The following CRTAM variants were observed in gnomAD, a reference collection of about 807,000 sequenced individuals.
CRTAM encodes the protein cytotoxic and regulatory T cell molecule.
A neutral mutation model predicts 50.0 loss-of-function variants in CRTAM; 44 were observed. That is an observed-to-expected ratio of 0.88 (90% CI 0.69 to 1.13). The LOEUF (loss-of-function observed/expected upper bound fraction) is 1.13. Among genes scored for constraint, CRTAM ranks in the 50% most tolerant of loss-of-function variants. CRTAM has a pLI of 0.00. For synonymous variants in CRTAM, 159 were observed against 169.3 expected, an observed-to-expected ratio of 0.94 and a Z score of 0.47; for missense variants, 448 against 457.5, an observed-to-expected ratio of 0.98 and a Z score of 0.19.
chr11:122,851,612 T>C (rs1356148253), intron 2 of CRTAM, 81 bp from the exon 3 acceptor site: 1 of 1,263,234 alleles, frequency 7.9e-7, no homozygotes, highest in East Asian at 2.3e-5. Flanking sequence ...AGCGGGGCAG[T>C]GCTTCTGGCA....
chr11:122,866,425 T>C (rs552013866), intron 7 of CRTAM, among the ~76,000 whole-genome samples: 8 of 152,266 alleles, frequency 5.3e-5, no homozygotes, highest in African/African-American at 1.9e-4. Flanking sequence ...TTTGTTTTTA[T>C]TAATTTGTTT....
intron 1 of CRTAM, among the ~76,000 whole-genome samples, chr11:122,845,880 A>G (rs1861857005): frequency 6.6e-6 from 1 of 152,086 alleles, no homozygotes; most frequent in African/African-American, 2.4e-5. Context: ...TGTAAAGACA[A>G]AGTCTTATTA....
chr11:122,839,122 C>T (rs1281630524), intron 1 of CRTAM, among the ~76,000 whole-genome samples: 4 of 151,838 alleles, frequency 2.6e-5, no homozygotes, highest in African/African-American at 7.3e-5. Context: ...TTAGTAGAGA[C>T]GGGGTTTCAC....
intron 5 of CRTAM, chr11:122,862,189 A>G: frequency 2.3e-6 from 1 of 441,376 alleles, no homozygotes; most frequent in Non-Finnish European, 4.1e-6. Context: ...ATAGAAGGAC[A>G]CAGATAGAAA....
intron 4 of CRTAM, 83 bp downstream of exon 4, chr11:122,854,169 G>T (rs1025563007): frequency 3.7e-6 from 5 of 1,357,410 alleles, no homozygotes; most frequent in Non-Finnish European, 5.1e-6. Flanking sequence ...CCCTCTAGTG[G>T]CAGACAATGC....
rs767240525 is a variant in CRTAM at position 122,850,031 on chromosome 11, C to T, written c.47-37C>T. Reference sequence around the variant, plus strand: ...ACAAAATCCCTGAGACACTGTGGACCCCCGGCCTGATCATCCCCATTTCTC... The same window carrying T: ...ACAAAATCCCTGAGACACTGTGGACTCCCGGCCTGATCATCCCCATTTCTC... On this transcript the variant is annotated intron_variant, in intron 1 of 9. Coordinates refer to ENST00000227348, the MANE Select transcript of CRTAM (RefSeq NM_019604.4). 3.2e-6 allele frequency: 5 copies of T among 1,546,848 alleles called. No individual in the cohort carries two copies. The South Asian group carries it at 4.8e-5, about 15-fold the overall frequency.
chr11:122,845,335 T>C (rs1330941963), intron 1 of CRTAM, among the ~76,000 whole-genome samples: 1 of 152,090 alleles, frequency 6.6e-6, no homozygotes, highest in African/African-American at 2.4e-5. Context: ...TTCAACGAGG[T>C]AGTGGAGTTG....
At chr11:122,869,375 A>C (rs17338045) in intron 9 of CRTAM, among the ~76,000 whole-genome samples, 15,903 of 152,252 alleles carry the variant, frequency 0.1, 903 homozygotes, top group Non-Finnish European at 0.11. Context: ...TTAGTTGATA[A>C]ATTTGTGTTA....
At chr11:122,843,016 T>C (rs149176691) in intron 1 of CRTAM, among the ~76,000 whole-genome samples, 1 of 152,362 alleles carries the variant, frequency 6.6e-6, no homozygotes, top group African/African-American at 2.4e-5. Flanking sequence ...AAGAATATTT[T>C]ATTCTTTTCT....
At chr11:122,843,214 C>T (rs1861821078) in intron 1 of CRTAM, among the ~76,000 whole-genome samples, 1 of 152,138 alleles carries the variant, frequency 6.6e-6, no homozygotes, top group Non-Finnish European at 1.5e-5. Flanking sequence ...AAGCCATCCA[C>T]TGATAGGACA....
rs1452019307 is a variant in CRTAM at position 122,851,221 on chromosome 11, G to A, written c.194-472G>A. Among the ~76,000 whole-genome samples the A allele has an allele frequency of 3.3e-5, 5 of 149,458 alleles. No homozygotes were observed. In the Admixed American group the frequency reaches 3.4e-4, roughly 10 times the overall value. On this transcript the variant is annotated intron_variant, in intron 2 of 9. Coordinates refer to ENST00000227348, the MANE Select transcript of CRTAM (RefSeq NM_019604.4). The stretch of plus-strand genomic sequence containing the variant: ...ATGACAGTTGCAGTGAGCTGAGATA[G>A]TGCCACTGCACTCCAGCCTGGGCAA...
chr11:122,854,704 C>T (rs1861982356), intron 4 of CRTAM, among the ~76,000 whole-genome samples: 1 of 150,244 alleles, frequency 6.7e-6, no homozygotes, highest in African/African-American at 2.4e-5. Flanking sequence ...TGAGCATAAA[C>T]TTTTTCCCAG....
intron 6 of CRTAM, among the ~76,000 whole-genome samples, chr11:122,863,595 T>TGG (rs1393894980): frequency 6.6e-6 from 1 of 152,216 alleles, no homozygotes; most frequent in African/African-American, 2.4e-5. Flanking sequence ...AGTAAATGTT[T>TGG]GGGATTTCTA....
intron 1 of CRTAM, among the ~76,000 whole-genome samples, chr11:122,840,467 T>G (rs1861785455): frequency 6.6e-6 from 1 of 152,138 alleles, no homozygotes; most frequent in Non-Finnish European, 1.5e-5. Flanking sequence ...AATGTATTAA[T>G]GTGGATCAAA....
chr11:122,860,906 A>G (rs1862063156), intron 5 of CRTAM, among the ~76,000 whole-genome samples: 1 of 152,128 alleles, frequency 6.6e-6, no homozygotes. Context: ...CATGTTGCCT[A>G]GGCTGGTCTC....
At chr11:122,842,920 T>A (rs1861816823) in intron 1 of CRTAM, among the ~76,000 whole-genome samples, 1 of 151,936 alleles carries the variant, frequency 6.6e-6, no homozygotes, top group Non-Finnish European at 1.5e-5. Context: ...ACATGTAGAG[T>A]TTGGGGTCTT....
intron 7 of CRTAM, among the ~76,000 whole-genome samples, chr11:122,865,180 G>A (rs1862153171): frequency 1.3e-5 from 2 of 151,990 alleles, no homozygotes; most frequent in Admixed American, 6.6e-5. Flanking sequence ...GGGATTACAG[G>A]CACACGCCAC....
chr11:122,864,661 A>T lies in CRTAM; in HGVS notation c.759A>T (p.Thr253=), dbSNP rs190953809. The change falls in exon 7 of 10, where the codon ACA becomes ACT. Residue 253 remains threonine (T), a synonymous_variant. Transcript: ENST00000227348. ...STVSVTEDSS[T]SEIDKEEKEQ... ...TCTCAGTAACGGAAGATTCTAGTAC[A>T]TCGGAGATTGACAAGGAAGAGAAAG... is the stretch of plus-strand genomic sequence containing the variant. The T allele has an allele frequency of 6.2e-7, 1 of 1,613,654 alleles. No individual in the cohort carries two copies. The highest frequency in any genetic ancestry group is 1.3e-5 in the African/African-American group (1 of 74,934).
At chr11:122,853,892 A>G in intron 3 of CRTAM, 51 bp from the exon 4 acceptor site, 5 of 1,560,986 alleles carry the variant, frequency 3.2e-6, no homozygotes, top group Non-Finnish European at 4.4e-6. Context: ...TGCTTTGTTG[A>G]GATATGCAGA....
Sources: gnomAD v4.1 joint callset for allele counts (sites outside exome capture counted in the v4.1 genomes callset) on GRCh38, gnomAD v4.1.1 for gene constraint, MANE v1.5 for transcripts, NCBI Gene and HGNC (gene_info 2026-07-23, HGNC 2026-07-21) for gene names.